The following GRM7 variants were observed in gnomAD, a reference collection of about 807,000 sequenced individuals.
GRM7 encodes metabotropic glutamate receptor 7.
In GRM7, 35 loss-of-function variants were observed where a neutral mutation model predicts 84.5. That is an observed-to-expected ratio of 0.41 (90% confidence interval 0.32 to 0.55). The LOEUF (loss-of-function observed/expected upper bound fraction) is 0.55, where lower values mean the gene tolerates loss of function less well. GRM7 is among the 20% of genes least tolerant of loss of function. The pLI is 0.19. For synonymous variants in GRM7, 487 were observed against 455.1 expected, an observed-to-expected ratio of 1.07 and a Z score of -0.89; for missense variants, 1,003 against 1,194.6, an observed-to-expected ratio of 0.84 and a Z score of 2.36.
At chr3:7,469,257 G>A (rs774017805) in intron 7 of GRM7, among the ~76,000 whole-genome samples, 5 of 152,184 alleles carry the variant, frequency 3.3e-5, no homozygotes, top group African/African-American at 4.8e-5. Flanking sequence ...GGATTCATTT[G>A]AGAACTTGGT....
chr3:7,406,608 C>G (rs568938596), intron 4 of GRM7, among the ~76,000 whole-genome samples: 2 of 152,292 alleles, frequency 1.3e-5, no homozygotes, highest in South Asian at 4.1e-4. Context: ...TGCTATCAGG[C>G]TTTAACTTTC....
intron 1 of GRM7, among the ~76,000 whole-genome samples, chr3:6,997,396 C>A (rs370018147): frequency 6.6e-6 from 1 of 152,134 alleles, no homozygotes; most frequent in African/African-American, 2.4e-5. Context: ...GCTGGGGACA[C>A]CTCAGGAAGC....
At chr3:7,343,257 A>G (rs988396481) in intron 4 of GRM7, among the ~76,000 whole-genome samples, 3 of 152,014 alleles carry the variant, frequency 2.0e-5, no homozygotes, top group African/African-American at 7.2e-5. Context: ...TTTCTGAGAC[A>G]GTGTCTCACT....
chr3:7,129,666 C>G (rs1693526117), intron 1 of GRM7, among the ~76,000 whole-genome samples: 2 of 152,152 alleles, frequency 1.3e-5, no homozygotes, highest in Middle Eastern at 3.4e-3. Context: ...AGTGCTGGAG[C>G]TTCAGCAGAC....
At chr3:7,462,111 G>T (rs1013853940) in intron 7 of GRM7, among the ~76,000 whole-genome samples, 4 of 151,584 alleles carry the variant, frequency 2.6e-5, no homozygotes, top group African/African-American at 9.7e-5. Flanking sequence ...TTATTATTTT[G>T]AGACATTTGA....
At chr3:7,216,086 T>A (rs1696599965) in intron 2 of GRM7, among the ~76,000 whole-genome samples, 1 of 152,250 alleles carries the variant, frequency 6.6e-6, no homozygotes, top group Non-Finnish European at 1.5e-5. Flanking sequence ...AAAGTGAATT[T>A]ATTTTCCAGC....
chr3:7,518,023 T>A (rs1011995570), intron 7 of GRM7, among the ~76,000 whole-genome samples: 6 of 152,210 alleles, frequency 3.9e-5, no homozygotes, highest in African/African-American at 1.4e-4. Flanking sequence ...TTGGGGTGGC[T>A]GCAGTCAGCT....
intron 1 of GRM7, among the ~76,000 whole-genome samples, chr3:7,016,248 G>A (rs758202335): frequency 1.3e-5 from 2 of 152,172 alleles, no homozygotes; most frequent in South Asian, 4.1e-4. Context: ...CAGGAGGTCG[G>A]TCTAGGGCTC....
intron 9 of GRM7, among the ~76,000 whole-genome samples, chr3:7,728,277 T>C (rs1415756995): frequency 6.6e-6 from 1 of 152,168 alleles, no homozygotes; most frequent in African/African-American, 2.4e-5. Flanking sequence ...GAAGAGAGTT[T>C]ATGTCTGTAA....
At chr3:7,405,378 A>C (rs1425502641) in intron 4 of GRM7, among the ~76,000 whole-genome samples, 1 of 152,152 alleles carries the variant, frequency 6.6e-6, no homozygotes, top group Non-Finnish European at 1.5e-5. Context: ...ATACTTGTAC[A>C]TATTTTGGGG....
At position 6,926,680 on chromosome 3, in the gene GRM7, T is replaced by C. The variant is rs531101530; in HGVS notation, c.519+64773T>C. On this transcript the variant is annotated intron_variant, in intron 1 of 9. Transcript: ENST00000357716. ...ACAGCTTAGCCATTAGCTTGGCCTG[T>C]TTCTTGCAAAAAGCCGATGCAACCA... 1.8e-3 allele frequency among the ~76,000 whole-genome samples: 269 copies of C among 150,776 alleles called. 1 individual carries two copies. The highest frequency in any genetic ancestry group is 5.3e-3 in the African/African-American group (212 of 40,150).
intron 1 of GRM7, among the ~76,000 whole-genome samples, chr3:6,963,888 C>A (rs1427952114): frequency 6.6e-6 from 1 of 152,126 alleles, no homozygotes; most frequent in Non-Finnish European, 1.5e-5. Context: ...ATTTGCCATG[C>A]TGAAGTTCTG....
chr3:6,863,577 C>T lies in GRM7; in HGVS notation c.519+1670C>T, dbSNP rs1307681696. Among the ~76,000 whole-genome samples the T allele has an allele frequency of 6.6e-6, 1 of 152,176 alleles. No homozygotes were observed. Among genetic ancestry groups the T allele is most frequent in the African/African-American group, 2.4e-5 (1 of 41,442 alleles). ...CTGCAAACCCAAAAGTGCTTCGGGGCTAGCCATCACTCTGAGTTCCTTGCT... is the reference window on the plus strand; with the variant it reads ...CTGCAAACCCAAAAGTGCTTCGGGGTTAGCCATCACTCTGAGTTCCTTGCT... On this transcript the variant is annotated intron_variant, in intron 1 of 9. Coordinates refer to ENST00000357716, the MANE Select transcript of GRM7 (RefSeq NM_000844.4). This position sits in a 1 kb window ranked among gnomAD's most constrained non-coding sequence, Gnocchi z 4.8.
At chr3:7,170,605 G>T (rs1694951770) in intron 2 of GRM7, among the ~76,000 whole-genome samples, 1 of 152,152 alleles carries the variant, frequency 6.6e-6, no homozygotes, top group Admixed American at 6.5e-5. Flanking sequence ...TAGATGTGAA[G>T]GAAGCTGGGG....
At chr3:7,343,047 T>C (rs1053432630) in intron 4 of GRM7, among the ~76,000 whole-genome samples, 2 of 152,192 alleles carry the variant, frequency 1.3e-5, no homozygotes, top group African/African-American at 2.4e-5. Context: ...CTTATTTAAC[T>C]AATATTGCTT....
At chr3:6,888,677 C>T (rs1412303240) in intron 1 of GRM7, among the ~76,000 whole-genome samples, 1 of 152,108 alleles carries the variant, frequency 6.6e-6, no homozygotes, top group South Asian at 2.1e-4. Flanking sequence ...ATGCCTCCAG[C>T]TTTGTTCTTT....
At chr3:7,292,898 G>C (rs1699683775) in intron 2 of GRM7, among the ~76,000 whole-genome samples, 1 of 151,710 alleles carries the variant, frequency 6.6e-6, no homozygotes, top group Admixed American at 6.6e-5. Flanking sequence ...GCCGGGCGTG[G>C]TGGTGTGTGC....
Position 7,322,820 on chromosome 3 carries a change from C to T in GRM7, c.1033+16168C>T, listed in dbSNP as rs145944163. Among the ~76,000 whole-genome samples the T allele has an allele frequency of 1.4e-3, 219 of 151,922 alleles. 5 individuals carry two copies. The highest frequency in any genetic ancestry group is 4.7e-3 in the East Asian group (24 of 5,152). On this transcript the variant is annotated intron_variant, in intron 4 of 9. Transcript: ENST00000357716. ...CTCTATATAGGGAGTGGGAGATGTA[C>T]GAGTTGAAGCACAAAATTCGTTATC...
intron 7 of GRM7, among the ~76,000 whole-genome samples, chr3:7,542,551 ATTT>A (rs35372177): frequency 1.0e-3 from 140 of 136,696 alleles, no homozygotes; most frequent in South Asian, 4.9e-3. Context: ...ATGCATAGCA[ATTT>A]TTTTTTTTTT....
Sources: allele counts gnomAD v4.1 joint callset (sites outside exome capture counted in the v4.1 genomes callset), GRCh38; gene constraint gnomAD v4.1.1; non-coding constraint Gnocchi (gnomAD v3.1); transcripts MANE v1.5; gene names NCBI Gene and HGNC (gene_info 2026-07-23, HGNC 2026-07-21).